Variants in NLRC5 observed in about 807,000 individuals in gnomAD.
NLRC5 encodes the protein protein NLRC5.
In NLRC5, 114 loss-of-function variants were observed where a neutral mutation model predicts 206.9. That is an observed-to-expected ratio of 0.55 (90% CI 0.47 to 0.64). NLRC5 has a LOEUF of 0.64. Ranked by LOEUF, NLRC5 falls within the 30% of genes least tolerant of loss-of-function variation. The probability of loss-of-function intolerance (pLI) is 0.00; values close to 1 mark genes in which losing one functional copy is unlikely to be tolerated. For synonymous variants in NLRC5, 952 were observed against 962.8 expected (o/e 0.99, Z 0.21); for missense variants, 2,008 against 2,305.5 (o/e 0.87, Z 2.64).
At chr16:57,039,718 A>G (rs2063045313) in intron 15 of NLRC5, 63 bp from the exon 16 acceptor site, 1 of 1,485,748 alleles carries the variant, frequency 6.7e-7, no homozygotes, top group Admixed American at 1.7e-5. Context: ...CCTTCTCTCA[A>G]AAAGAAATAG....
At chr16:57,070,460 G>T in intron 37 of NLRC5, 75 bp from the exon 38 acceptor site, 1 of 1,302,628 alleles carries the variant, frequency 7.7e-7, no homozygotes, top group South Asian at 1.2e-5. Flanking sequence ...AGCAGGAGAG[G>T]GGAGCTGACA....
chr16:57,070,419 G>T, intron 37 of NLRC5, 116 bp from the exon 38 acceptor site: 1 of 826,416 alleles, frequency 1.2e-6, no homozygotes, highest in Non-Finnish European at 2.0e-6. Context: ...CCCAGGGCAT[G>T]CAGATGCAGA....
At chr16:57,041,821 G>GGA (rs79415357) in intron 18 of NLRC5, among the ~76,000 whole-genome samples, 161 bp from the exon 19 acceptor site, 3,134 of 152,206 alleles carry the variant, frequency 0.021, 182 homozygotes, top group East Asian at 0.16. Context: ...AGAACCTGGG[G>GGA]GAGACCCCAG....
At chr16:57,055,390 C>A in intron 26 of NLRC5, 43 bp from the exon 27 acceptor site, 1 of 1,586,638 alleles carries the variant, frequency 6.3e-7, no homozygotes. Flanking sequence ...GTCTCAGTGG[C>A]CAAACGCCCC....
intron 10 of NLRC5, among the ~76,000 whole-genome samples, chr16:57,030,730 G>T (rs1382384700): frequency 6.6e-6 from 1 of 152,190 alleles, no homozygotes; most frequent in East Asian, 1.9e-4. Flanking sequence ...GCTGTGTGTT[G>T]CCCTCCATGG....
intron 29 of NLRC5, 27 bp from the exon 30 acceptor site, chr16:57,059,440 T>C (rs1333000633): frequency 8.8e-6 from 14 of 1,591,660 alleles, no homozygotes; most frequent in African/African-American, 1.3e-5. Flanking sequence ...CTGGGCACCG[T>C]GCTTCCCCAG....
chr16:57,031,270 A>T (rs1196227082), intron 10 of NLRC5, 134 bp from the exon 11 acceptor site: 3 of 871,764 alleles, frequency 3.4e-6, no homozygotes, highest in Non-Finnish European at 5.7e-6. Context: ...TAGTTCCGTT[A>T]TGTTTCCCTG....
At position 57,067,375 on chromosome 16, in the gene NLRC5, G is replaced by T. The variant is rs374518494; in HGVS notation, c.4323-12G>T. 4 of 1,613,524 alleles carry T rather than the reference G, an allele frequency of 2.5e-6. No individual in the cohort carries two copies. Reference sequence around the variant, plus strand: ...GATGTTCCAAAACTGTCGTCTCCCTGTCTGTGTCCAGGTTGGCTCACTGTG... The same window carrying T: ...GATGTTCCAAAACTGTCGTCTCCCTTTCTGTGTCCAGGTTGGCTCACTGTG... On this transcript the variant is annotated splice_polypyrimidine_tract_variant and intron_variant, in intron 34 of 48. Transcript: ENST00000688547.
At chr16:57,081,229 A>T (rs1272702933) in intron 47 of NLRC5, 48 bp downstream of exon 47, 1 of 1,513,170 alleles carries the variant, frequency 6.6e-7, no homozygotes, top group Non-Finnish European at 8.9e-7. Flanking sequence ...GGGGACCTAC[A>T]TCCCGGGAAC....
intron 15 of NLRC5, among the ~76,000 whole-genome samples, chr16:57,037,769 C>T (rs1172859603): frequency 6.6e-6 from 1 of 152,182 alleles, no homozygotes; most frequent in African/African-American, 2.4e-5. Context: ...CACTAGGGAA[C>T]CCAATCCTAT....
intron 48 of NLRC5, 28 bp from the exon 49 acceptor site, chr16:57,082,389 A>C: frequency 6.6e-7 from 1 of 1,525,588 alleles, no homozygotes; most frequent in East Asian, 2.3e-5. Context: ...TGGGAGGATG[A>C]ATGAGTGCCT....
intron 28 of NLRC5, 58 bp downstream of exon 28, chr16:57,058,206 A>C (rs1465800475): frequency 1.4e-6 from 2 of 1,426,966 alleles, no homozygotes; most frequent in Admixed American, 1.9e-5. Flanking sequence ...CCTAGGCCAA[A>C]AGCATGATGG....
chr16:57,055,081 G>A lies in NLRC5; in HGVS notation c.3646G>A (p.Gly1216Ser), dbSNP rs2065438338. ...CTTCAGATCCAACGAGGAGGAGGAA[G>A]GCGTGTGCTGTGGGTAAGCCCCCTT... ...LHFRSNEEEE[G>S]VCCGRFTGCS... The change falls in exon 26 of 49, where the codon GGC becomes AGC. Residue 1216 changes from glycine to serine, a missense_variant. By Grantham distance (56) the Gly-to-Ser change is moderately conservative. Transcript: ENST00000688547. 8.1e-6 allele frequency: 13 copies of A among 1,614,120 alleles called. No individual in the cohort carries two copies. Among genetic ancestry groups the A allele is most frequent in the South Asian group, 1.1e-5 (1 of 91,088 alleles).
intron 4 of NLRC5, among the ~76,000 whole-genome samples, chr16:57,023,120 A>G (rs2060857463): frequency 1.3e-5 from 2 of 152,130 alleles, no homozygotes; most frequent in African/African-American, 2.4e-5. Flanking sequence ...GGCTGTTCCT[A>G]TTGGTCACTT....
intron 1 of NLRC5, among the ~76,000 whole-genome samples, chr16:56,997,752 TG>T (rs1418710006): frequency 1.3e-5 from 2 of 151,968 alleles, no homozygotes; most frequent in African/African-American, 4.8e-5. Flanking sequence ...GGCTAATTTT[TG>T]TACTTTTTGT....
At position 57,069,913 on chromosome 16, in the gene NLRC5, A is replaced by G. The variant is rs2067444140; in HGVS notation, c.4577A>G (p.Glu1526Gly). The change falls in exon 37 of 49, where the codon GAG becomes GGG. Residue 1526 changes from glutamate to glycine, a missense_variant. Physicochemically the swap from Glu to Gly is moderately conservative, Grantham distance 98. Transcript: ENST00000688547. The stretch of plus-strand genomic sequence containing the variant: ...CTGGGCCACTGCCACCACTTGGAGG[A>G]GCTGGAGTGAGTTGCAGAGTGGAGG... ...SGLGHCHHLE[E>G]LDLSNNQFDE... 3 of 1,575,006 alleles carry G rather than the reference A, an allele frequency of 1.9e-6. No individual in the cohort carries two copies. The East Asian group carries it at 7.0e-5, about 37-fold the overall frequency.
intron 1 of NLRC5, among the ~76,000 whole-genome samples, chr16:57,007,505 C>T (rs1283028914): frequency 3.9e-5 from 6 of 151,920 alleles, no homozygotes; most frequent in Non-Finnish European, 5.9e-5. Flanking sequence ...GGTAGATCAC[C>T]TGAGGTCAGA....
intron 34 of NLRC5, among the ~76,000 whole-genome samples, chr16:57,067,080 T>A (rs1315362432): frequency 1.3e-5 from 2 of 152,156 alleles, no homozygotes; most frequent in African/African-American, 4.8e-5. Context: ...GAAATTAAAA[T>A]GTCACCCTTT....
intron 3 of NLRC5, 194 bp downstream of exon 3, chr16:57,021,201 C>A: frequency 1.8e-6 from 1 of 559,394 alleles, no homozygotes; most frequent in East Asian, 2.9e-5. Flanking sequence ...AGGACCCCTC[C>A]TTCTACCTGG....
Sources: allele counts gnomAD v4.1 joint callset (sites outside exome capture counted in the v4.1 genomes callset), GRCh38; gene constraint gnomAD v4.1.1; transcripts MANE v1.5; gene names NCBI Gene and HGNC (gene_info 2026-07-23, HGNC 2026-07-21).